LDHAL6A: variants seen among roughly 807,000 people sequenced by gnomAD.
The protein encoded by LDHAL6A is L-lactate dehydrogenase A-like 6A.
In LDHAL6A, 19 loss-of-function variants were observed where a neutral mutation model predicts 28.2. The ratio of observed to expected loss-of-function variants is 0.67; its 90% confidence interval spans 0.47 to 0.99. The LOEUF is 0.99. Ranked by LOEUF, LDHAL6A falls within the 50% of genes least tolerant of loss-of-function variation. The pLI, the probability that LDHAL6A is intolerant of heterozygous loss-of-function variation, is 0.00. For synonymous variants in LDHAL6A, 144 were observed against 134.4 expected (o/e 1.07, Z -0.49); for missense variants, 372 against 398.6 (o/e 0.93, Z 0.57).
intron 2 of LDHAL6A, among the ~76,000 whole-genome samples, chr11:18,465,413 G>A (rs1346574698): frequency 1.4e-5 from 2 of 144,672 alleles, no homozygotes; most frequent in East Asian, 3.9e-4. Context: ...GTGAGCCACT[G>A]CACATGACTT....
chr11:18,475,148 T>C, intron 3 of LDHAL6A: 1 of 208,172 alleles, frequency 4.8e-6, no homozygotes. Context: ...TTGTTGAAAA[T>C]GGGTTATTCT....
intron 6 of LDHAL6A, among the ~76,000 whole-genome samples, chr11:18,478,491 C>T (rs1030764552): frequency 2.6e-5 from 4 of 151,740 alleles, no homozygotes; most frequent in Non-Finnish European, 2.9e-5. Flanking sequence ...ACCCGGGAGG[C>T]GGAGCTTGCA....
chr11:18,461,317 G>T (rs1312056922), intron 1 of LDHAL6A, among the ~76,000 whole-genome samples: 3 of 150,080 alleles, frequency 2.0e-5, no homozygotes, highest in Non-Finnish European at 3.0e-5. Flanking sequence ...GCTAATTTTT[G>T]TATTTTTAGT....
intron 2 of LDHAL6A, among the ~76,000 whole-genome samples, chr11:18,464,992 G>GTTTTTTTTTTTTTTTTTTTTTTTTTTTTT (rs1212053975): frequency 8.3e-6 from 1 of 119,822 alleles, no homozygotes; most frequent in African/African-American, 3.5e-5. Context: ...TTTTTGTTTT[G>GTTTTTTTTTTTTTTTTTTTTTTTTTTTTT]TTTTGTTTTG....
rs1292148013 is a variant in LDHAL6A at position 18,476,365 on chromosome 11, T to G, written c.593-19T>G. The G allele has an allele frequency of 6.2e-7, 1 of 1,606,950 alleles. No homozygotes were observed. Reference sequence around the variant, plus strand: ...CTAATACCATGTAAGAAGTGGGATTTTGGGTGTCTCTTTCTTAGTTCCTGT... The same window carrying G: ...CTAATACCATGTAAGAAGTGGGATTGTGGGTGTCTCTTTCTTAGTTCCTGT... On this transcript the variant is annotated intron_variant, in intron 4 of 6. Transcript: ENST00000280706.
intron 3 of LDHAL6A, chr11:18,475,107 C>T (rs1266676469): frequency 1.1e-5 from 2 of 188,138 alleles, no homozygotes; most frequent in African/African-American, 4.8e-5. Context: ...CCACTGCGCT[C>T]ATCCCTCTCT....
intron 3 of LDHAL6A, among the ~76,000 whole-genome samples, chr11:18,469,905 A>G (rs1849215871): frequency 6.6e-6 from 1 of 152,182 alleles, no homozygotes; most frequent in Non-Finnish European, 1.5e-5. Flanking sequence ...CCACTCAGGA[A>G]AGATTTTTTC....
At chr11:18,464,969 T>TTTTTTTTG (rs1396559945) in intron 2 of LDHAL6A, among the ~76,000 whole-genome samples, 3 of 5,782 alleles carry the variant, frequency 5.2e-4, no homozygotes, top group Admixed American at 2.4e-3. Context: ...AGGTGAGGTG[T>TTTTTTTTG]TTTTTTTGTT....
chr11:18,462,850 CA>C (rs1045696455), intron 1 of LDHAL6A, among the ~76,000 whole-genome samples: 1 of 150,752 alleles, frequency 6.6e-6, no homozygotes, highest in Non-Finnish European at 1.5e-5. Context: ...AAAACAAAAA[CA>C]AAAACAAAAA....
intron 3 of LDHAL6A, among the ~76,000 whole-genome samples, chr11:18,471,060 T>C (rs1849245016): frequency 6.6e-6 from 1 of 152,174 alleles, no homozygotes; most frequent in African/African-American, 2.4e-5. Context: ...TTATATATGA[T>C]ATTTTATTAT....
chr11:18,463,980 T>G lies in LDHAL6A; in HGVS notation c.146T>G (p.Val49Gly). ...ILLKGLSDEL[V>G]LVDVDEGKLK... ...TTTCAGGGTTTGAGTGATGAACTTG[T>G]CCTTGTGGATGTTGATGAAGGCAAA... Residue 49 changes from valine (V) to glycine (G), a missense_variant, in exon 2 of 7, where the codon GTC (valine) becomes GGC (glycine). Val to Gly is a moderately radical substitution (Grantham distance 109). This residue lies in a region of LDHAL6A where 77 missense variants were observed against 77.9 expected (regional missense o/e 0.99). Transcript: ENST00000280706. 2.5e-6 allele frequency: 4 copies of G among 1,613,294 alleles called. 1 individual carries two copies. The highest frequency in any genetic ancestry group is 2.2e-5 in the South Asian group (2 of 91,052).
intron 1 of LDHAL6A, among the ~76,000 whole-genome samples, chr11:18,462,556 G>T (rs1001346532): frequency 6.6e-6 from 1 of 151,114 alleles, no homozygotes; most frequent in Non-Finnish European, 1.5e-5. Flanking sequence ...AGAATGGCGT[G>T]AACCTGGGAG....
At position 18,455,950 on chromosome 11, in the gene LDHAL6A, C is replaced by G. The variant is rs939942772; in HGVS notation, c.-731C>G. On this transcript the variant is annotated 5_prime_UTR_variant, in exon 1 of 7. Transcript: ENST00000280706. ...AAGCATCACACCTGCGATGCCTGCACGAGCTGGGTGCGGTCCGCGCAGCTG... is the reference window on the plus strand; with the variant it reads ...AAGCATCACACCTGCGATGCCTGCAGGAGCTGGGTGCGGTCCGCGCAGCTG... 2 of 151,352 alleles carry G rather than the reference C, an allele frequency of 1.3e-5. No homozygotes were observed. Among genetic ancestry groups the G allele is most frequent in the Non-Finnish European group, 2.9e-5 (2 of 68,116 alleles). The allele number at this position is 151,352 out of a possible 1,614,324, so 9.4% of individuals were successfully genotyped here. A position where few individuals can be genotyped will look rare whatever the true frequency, so the allele number is the denominator to read the frequency against.
chr11:18,457,462 G>A (rs928783012), intron 1 of LDHAL6A, among the ~76,000 whole-genome samples: 6 of 138,394 alleles, frequency 4.3e-5, no homozygotes, highest in Non-Finnish European at 6.3e-5. Flanking sequence ...AAATGTTTTA[G>A]CCATCTTTTA....
chr11:18,474,376 G>T lies in LDHAL6A; in HGVS notation c.419-1090G>T, dbSNP rs576596565. Among the ~76,000 whole-genome samples, 16 of 149,444 alleles carry T rather than the reference G, an allele frequency of 1.1e-4. No homozygotes were observed. The East Asian group carries it at 2.8e-3, about 26-fold the overall frequency. On this transcript the variant is annotated intron_variant, in intron 3 of 6. Coordinates refer to ENST00000280706, the MANE Select transcript of LDHAL6A (RefSeq NM_144972.5). ...ACAGGCGTGAGTCACCACGCCTGGT[G>T]ATGACGTATGTTTCTTTTCTTTTCT...
intron 3 of LDHAL6A, among the ~76,000 whole-genome samples, chr11:18,474,005 T>C (rs1373473987): frequency 6.6e-6 from 1 of 152,242 alleles, no homozygotes; most frequent in Non-Finnish European, 1.5e-5. Flanking sequence ...TGATGTAATA[T>C]GTTGACAGAT....
intron 3 of LDHAL6A, 109 bp from the exon 4 acceptor site, chr11:18,475,357 T>G: frequency 1.2e-6 from 1 of 838,164 alleles, no homozygotes; most frequent in South Asian, 1.7e-5. Context: ...GAACCATGTT[T>G]CTTGCCTCCT....
Position 18,478,827 on chromosome 11 carries a change from G to A in LDHAL6A, c.956G>A (p.Ser319Asn). 2 of 1,613,730 alleles carry A rather than the reference G, an allele frequency of 1.2e-6. No homozygotes were observed. Among genetic ancestry groups the A allele is most frequent in the Non-Finnish European group, 1.7e-6 (2 of 1,179,972 alleles). The change falls in exon 7 of 7, where the codon AGT becomes AAT. Residue 319 changes from serine (S) to asparagine (N), a missense_variant. Physicochemically the swap from Ser to Asn is conservative, Grantham distance 46. Coordinates refer to ENST00000280706, the MANE Select transcript of LDHAL6A (RefSeq NM_144972.5). Reference protein sequence around the residue: ...TLEEEACLQKSAETLWEIQKE... With the variant: ...TLEEEACLQKNAETLWEIQKE... ...GAAGAGGAGGCCTGCTTGCAAAAGA[G>A]TGCAGAAACACTTTGGGAAATTCAG...
intron 3 of LDHAL6A, among the ~76,000 whole-genome samples, chr11:18,474,905 T>C (rs1565075071): frequency 6.6e-6 from 1 of 152,220 alleles, no homozygotes; most frequent in Non-Finnish European, 1.5e-5. Flanking sequence ...ATAACACTTG[T>C]CATTGATTTT....
Sources: gnomAD v4.1 joint callset for allele counts (sites outside exome capture counted in the v4.1 genomes callset) on GRCh38, gnomAD v4.1.1 for gene constraint, gnomAD v4.1.1 regional missense constraint, MANE v1.5 for transcripts, NCBI Gene and HGNC (gene_info 2026-07-23, HGNC 2026-07-21) for gene names.